MEOX2: variants seen among roughly 807,000 people sequenced by gnomAD.
MEOX2 encodes mesenchyme homeobox 2.
In MEOX2, 11 loss-of-function variants were observed where a neutral mutation model predicts 27.0. The observed-to-expected ratio is 0.41, with a 90% CI of 0.26 to 0.68. MEOX2 has a LOEUF of 0.68. Among genes scored for constraint, MEOX2 ranks in the 30% least tolerant of loss-of-function variants. MEOX2 has a pLI of 0.33. For synonymous variants in MEOX2, 189 were observed against 155.4 expected, an observed-to-expected ratio of 1.22 and a Z score of -1.61; for missense variants, 436 against 385.4, an observed-to-expected ratio of 1.13 and a Z score of -1.10.
chr7:15,661,742 A>G (rs1781922850), intron 1 of MEOX2, among the ~76,000 whole-genome samples: 1 of 152,150 alleles, frequency 6.6e-6, no homozygotes, highest in Non-Finnish European at 1.5e-5. Context: ...CCACGAAAGA[A>G]AATCATTCTC....
At position 15,612,502 on chromosome 7, in the gene MEOX2, A is replaced by G; in HGVS notation, c.800T>C (p.Leu267Pro). 6.2e-7 allele frequency: 1 copy of G among 1,614,164 alleles called. No individual in the cohort carries two copies. Among genetic ancestry groups the G allele is most frequent in the Non-Finnish European group, 8.5e-7 (1 of 1,180,032 alleles). Reference protein sequence around the residue: ...KELVNVKKGTLLPSELSGIGA... With the variant: ...KELVNVKKGTPLPSELSGIGA... ...AATTCCCGACAGCTCTGATGGGAGA[A>G]GTGTTCCCTTTTTCACATTCACCAG... The change falls in exon 3 of 3, where the codon CTT (leucine) becomes CCT (proline). Residue 267 changes from leucine (L) to proline (P), a missense_variant. By Grantham distance (98) the Leu-to-Pro change is moderately conservative. Transcript: ENST00000262041.
intron 1 of MEOX2, chr7:15,681,622 C>A (rs1782292810): frequency 6.6e-6 from 1 of 151,672 alleles, no homozygotes; most frequent in Non-Finnish European, 1.5e-5. Flanking sequence ...ATAAATATTA[C>A]AACTTAAATT....
intron 2 of MEOX2, among the ~76,000 whole-genome samples, chr7:15,620,913 C>T (rs892559286): frequency 3.3e-5 from 5 of 152,062 alleles, no homozygotes; most frequent in African/African-American, 1.2e-4. Context: ...AAGGATCTCC[C>T]ATTCTGTCTA....
At chr7:15,638,729 T>C (rs1006464771) in intron 1 of MEOX2, among the ~76,000 whole-genome samples, 2 of 152,090 alleles carry the variant, frequency 1.3e-5, no homozygotes, top group Non-Finnish European at 2.9e-5. Flanking sequence ...AGTGAGAACA[T>C]GTGTATTTCA....
At chr7:15,679,034 G>A (rs565903700) in intron 1 of MEOX2, 1 of 152,148 alleles carries the variant, frequency 6.6e-6, no homozygotes, top group East Asian at 1.9e-4. Context: ...TAAGCCTGCT[G>A]GACTCTTCAC....
intron 1 of MEOX2, among the ~76,000 whole-genome samples, chr7:15,629,086 T>G (rs754630198): frequency 2.0e-5 from 3 of 152,086 alleles, no homozygotes; most frequent in Non-Finnish European, 2.9e-5. Flanking sequence ...CATGAGCAGT[T>G]CAATTTGAAT....
chr7:15,612,261 G>A lies in MEOX2; in HGVS notation c.*126C>T. 2 of 775,860 alleles carry A rather than the reference G, an allele frequency of 2.6e-6. No individual in the cohort carries two copies. Among genetic ancestry groups the A allele is most frequent in the South Asian group, 1.7e-5 (1 of 57,638 alleles). The allele number at this position is 775,860 out of a possible 1,614,324, so 48.1% of individuals were successfully genotyped here. ...TCTATAAATCATGAAAAACAGATTC[G>A]AAATGCCTGGATTTAATAATATTAA... On this transcript the variant is annotated 3_prime_UTR_variant, in exon 3 of 3. Coordinates refer to ENST00000262041, the MANE Select transcript of MEOX2 (RefSeq NM_005924.5).
intron 1 of MEOX2, among the ~76,000 whole-genome samples, chr7:15,684,653 A>G (rs1220128131): frequency 6.6e-6 from 1 of 152,212 alleles, no homozygotes; most frequent in Non-Finnish European, 1.5e-5. Flanking sequence ...AGCTTTACAC[A>G]CGATCAACAT....
chr7:15,612,041 C>G lies in MEOX2; in HGVS notation c.*346G>C. Reference sequence around the variant, plus strand: ...CAAGTTCATCCTCGGCATCTTCACTCTGGAGACATCTTGAATAAAAAACCG... The same window carrying G: ...CAAGTTCATCCTCGGCATCTTCACTGTGGAGACATCTTGAATAAAAAACCG... On this transcript the variant is annotated 3_prime_UTR_variant, in exon 3 of 3. Coordinates refer to ENST00000262041, the MANE Select transcript of MEOX2 (RefSeq NM_005924.5). 1 of 282,316 alleles carries G rather than the reference C, an allele frequency of 3.5e-6. No homozygotes were observed. 17.5% of individuals were successfully genotyped at this position (282,316 alleles called of 1,614,324 possible). A position where few individuals can be genotyped will look rare whatever the true frequency, so the allele number is the denominator to read the frequency against.
intron 1 of MEOX2, chr7:15,679,947 T>C (rs558147039): frequency 1.3e-5 from 2 of 151,928 alleles, no homozygotes; most frequent in East Asian, 3.9e-4. Flanking sequence ...TATTTAAAAA[T>C]ACAGTGCACA....
intron 2 of MEOX2, among the ~76,000 whole-genome samples, chr7:15,619,148 A>G (rs901130393): frequency 6.6e-6 from 1 of 152,052 alleles, no homozygotes; most frequent in Non-Finnish European, 1.5e-5. Flanking sequence ...AAAGATGTAG[A>G]TAGTAGAAAA....
rs548908742 is a variant in MEOX2, at chr7:15,615,259, G to A, written c.691-2648C>T. 3.3e-5 allele frequency among the ~76,000 whole-genome samples: 5 copies of A among 152,104 alleles called. No individual in the cohort carries two copies. The East Asian group carries it at 9.7e-4, about 29-fold the overall frequency. ...TTATAGATGATAAAGTTGAGGTAAA[G>A]GTTAAGTGACTTACCTAAGATTACA... On this transcript the variant is annotated intron_variant, in intron 2 of 2. Transcript: ENST00000262041.
chr7:15,686,293 G>A lies in MEOX2; in HGVS notation c.110C>T (p.Ser37Phe), dbSNP rs1177554598. The part of the protein sequence containing the change: ...LALHGRSDHM[S>F]YPELSTSSSS... ...GGAAGAAGTAGAGAGCTCGGGGTAA[G>A]ACATATGGTCAGATCTTCCATGGAG... The change falls in exon 1 of 3, where the codon TCT becomes TTT. Residue 37 changes from serine (S) to phenylalanine (F), a missense_variant. Physicochemically the swap from Ser to Phe is radical, Grantham distance 155. Coordinates refer to ENST00000262041, the MANE Select transcript of MEOX2 (RefSeq NM_005924.5). 6.2e-7 allele frequency: 1 copy of A among 1,611,888 alleles called. No homozygotes were observed. Among genetic ancestry groups the A allele is most frequent in the East Asian group, 2.2e-5 (1 of 44,780 alleles).
intron 1 of MEOX2, among the ~76,000 whole-genome samples, chr7:15,641,292 T>C (rs1245294707): frequency 6.6e-6 from 1 of 152,184 alleles, no homozygotes; most frequent in Non-Finnish European, 1.5e-5. Flanking sequence ...GTTGCATATA[T>C]GTTTAGGGTA....
intron 2 of MEOX2, among the ~76,000 whole-genome samples, chr7:15,618,500 T>G (rs533568373): frequency 6.6e-6 from 1 of 152,100 alleles, no homozygotes; most frequent in East Asian, 1.9e-4. Context: ...TCTTGCCCAA[T>G]CTCTTGGCTC....
chr7:15,640,081 T>C (rs1781536940), intron 1 of MEOX2, among the ~76,000 whole-genome samples: 1 of 152,156 alleles, frequency 6.6e-6, no homozygotes, highest in Non-Finnish European at 1.5e-5. Context: ...GCAAATATAG[T>C]CATTTTAATG....
At chr7:15,674,743 A>G (rs1001915969) in intron 1 of MEOX2, among the ~76,000 whole-genome samples, 7 of 152,182 alleles carry the variant, frequency 4.6e-5, no homozygotes, top group Non-Finnish European at 1.0e-4. Flanking sequence ...TCCAGAGGTT[A>G]CACAGTTCAT....
rs536418939 is a variant in MEOX2 at position 15,631,082 on chromosome 7, T to C, written c.518-4164A>G. Among the ~76,000 whole-genome samples the C allele has an allele frequency of 5.9e-5, 9 of 152,088 alleles. No homozygotes were observed. In the South Asian group the frequency reaches 1.9e-3, roughly 32 times the overall value. On this transcript the variant is annotated intron_variant, in intron 1 of 2. Coordinates refer to ENST00000262041, the MANE Select transcript of MEOX2 (RefSeq NM_005924.5). ...GAGCACCACTATGTTAGATCCAGAA[T>C]AGGATAGCCAGAAAACATCTATTAT...
intron 1 of MEOX2, among the ~76,000 whole-genome samples, chr7:15,666,264 C>A (rs1477866305): frequency 6.6e-6 from 1 of 152,118 alleles, no homozygotes; most frequent in African/African-American, 2.4e-5. Flanking sequence ...CCTAATCCTC[C>A]CTTACCTTAT....
Sources: gnomAD v4.1 joint callset for allele counts (sites outside exome capture counted in the v4.1 genomes callset) on GRCh38, gnomAD v4.1.1 for gene constraint, MANE v1.5 for transcripts, NCBI Gene and HGNC (gene_info 2026-07-23, HGNC 2026-07-21) for gene names.